Variants in BRINP3 observed in about 807,000 individuals in gnomAD.
The protein encoded by BRINP3 is BMP/retinoic acid inducible neural specific 3.
BRINP3 carries 19 observed loss-of-function variants against 71.0 expected under a neutral mutation model. The ratio of observed to expected loss-of-function variants is 0.27; its 90% confidence interval spans 0.19 to 0.39. The LOEUF is 0.39. Ranked by LOEUF, BRINP3 falls within the 10% of genes least tolerant of loss-of-function variation. The pLI is 1.00. For synonymous variants in BRINP3, 380 were observed against 337.7 expected, an observed-to-expected ratio of 1.13 and a Z score of -1.37; for missense variants, 959 against 940.8, an observed-to-expected ratio of 1.02 and a Z score of -0.25.
intron 2 of BRINP3, among the ~76,000 whole-genome samples, chr1:190,306,574 T>C (rs536801557): frequency 8.5e-5 from 13 of 152,090 alleles, no homozygotes; most frequent in African/African-American, 2.9e-4. Context: ...GGTATAACTT[T>C]AGATAAAATG....
chr1:190,310,404 G>A (rs773814071), intron 2 of BRINP3, among the ~76,000 whole-genome samples: 8 of 151,486 alleles, frequency 5.3e-5, no homozygotes, highest in Non-Finnish European at 1.0e-4. Context: ...ATACAACAAA[G>A]TTAAACTACA....
At chr1:190,213,338 G>A (rs1217217268) in intron 6 of BRINP3, among the ~76,000 whole-genome samples, 1 of 151,996 alleles carries the variant, frequency 6.6e-6, no homozygotes, top group Non-Finnish European at 1.5e-5. Flanking sequence ...CAACAGACAA[G>A]TGATATGAAC....
chr1:190,102,765 C>A (rs951641830), intron 7 of BRINP3, among the ~76,000 whole-genome samples: 13 of 151,868 alleles, frequency 8.6e-5, no homozygotes, highest in African/African-American at 1.7e-4. Flanking sequence ...TGATTTCGAC[C>A]AATTCAAGGA....
intron 7 of BRINP3, among the ~76,000 whole-genome samples, chr1:190,154,745 A>T (rs1656714246): frequency 1.3e-5 from 2 of 152,190 alleles, no homozygotes; most frequent in African/African-American, 4.8e-5. Context: ...CTTATGCTGC[A>T]GATAGCACTA....
chr1:190,296,874 A>T (rs1465179807), intron 2 of BRINP3, among the ~76,000 whole-genome samples: 2 of 152,086 alleles, frequency 1.3e-5, no homozygotes, highest in East Asian at 3.9e-4. Context: ...TACACTGGAA[A>T]TCATAAGGCA....
chr1:190,371,806 GGGCATCT>G (rs1669884852), intron 2 of BRINP3, among the ~76,000 whole-genome samples: 1 of 151,962 alleles, frequency 6.6e-6, no homozygotes, highest in Non-Finnish European at 1.5e-5. Flanking sequence ...TTTAATCCAG[GGGCATCT>G]GGCATAGGGG....
chr1:190,246,854 A>T (rs1044772320), intron 4 of BRINP3, among the ~76,000 whole-genome samples: 2 of 151,970 alleles, frequency 1.3e-5, no homozygotes, highest in Non-Finnish European at 2.9e-5. Context: ...CAAATCTATT[A>T]TCAGTGAAGA....
chr1:190,335,175 C>A (rs1219558916), intron 2 of BRINP3, among the ~76,000 whole-genome samples: 3 of 151,684 alleles, frequency 2.0e-5, no homozygotes, highest in Non-Finnish European at 4.4e-5. Context: ...ATCAATCTTG[C>A]CAAATTATGA....
chr1:190,283,762 A>C (rs1050880280), intron 2 of BRINP3, among the ~76,000 whole-genome samples: 57 of 151,312 alleles, frequency 3.8e-4, no homozygotes, highest in African/African-American at 1.3e-3. Flanking sequence ...AGTAATACAA[A>C]ACTTCTAAGA....
intron 2 of BRINP3, among the ~76,000 whole-genome samples, chr1:190,380,837 A>T (rs1447720675): frequency 6.6e-6 from 1 of 152,150 alleles, no homozygotes; most frequent in East Asian, 1.9e-4. Context: ...GTTCGAGCTT[A>T]CAAAATTAGC....
chr1:190,354,673 C>A (rs183004823), intron 2 of BRINP3, among the ~76,000 whole-genome samples: 2 of 151,744 alleles, frequency 1.3e-5, no homozygotes, highest in Admixed American at 6.6e-5. Flanking sequence ...AGTCGTGATA[C>A]CTCACTAAAT....
intron 2 of BRINP3, among the ~76,000 whole-genome samples, chr1:190,426,894 A>G (rs1273314129): frequency 2.6e-5 from 4 of 151,882 alleles, no homozygotes; most frequent in Non-Finnish European, 5.9e-5. Flanking sequence ...TCCAAATGAT[A>G]GTTATTTCAG....
chr1:190,134,201 G>A (rs763134520), intron 7 of BRINP3, among the ~76,000 whole-genome samples: 9 of 152,128 alleles, frequency 5.9e-5, no homozygotes, highest in African/African-American at 2.2e-4. Flanking sequence ...AAGCCTCTTC[G>A]TGGAGGTGAT....
At chr1:190,242,815 A>G (rs1289755190) in intron 4 of BRINP3, among the ~76,000 whole-genome samples, 1 of 152,134 alleles carries the variant, frequency 6.6e-6, no homozygotes, top group Non-Finnish European at 1.5e-5. Flanking sequence ...AATGTAGAGC[A>G]AAATATATTT....
chr1:190,145,704 T>C (rs544098650), intron 7 of BRINP3, among the ~76,000 whole-genome samples: 16 of 152,280 alleles, frequency 1.1e-4, no homozygotes, highest in Non-Finnish European at 2.2e-4. Flanking sequence ...AGTCATCATA[T>C]GAAAAAGACA....
At chr1:190,166,217 A>G (rs1194123091) in intron 6 of BRINP3, among the ~76,000 whole-genome samples, 1 of 152,314 alleles carries the variant, frequency 6.6e-6, no homozygotes, top group Non-Finnish European at 1.5e-5. Context: ...TGTGAACTGG[A>G]CAATTTTATG....
intron 2 of BRINP3, among the ~76,000 whole-genome samples, chr1:190,309,811 T>C (rs1665389329): frequency 1.3e-5 from 2 of 151,950 alleles, no homozygotes; most frequent in African/African-American, 4.8e-5. Context: ...CTCTAATTTA[T>C]AATTTGCTAA....
At chr1:190,296,292 T>C (rs1403980870) in intron 2 of BRINP3, among the ~76,000 whole-genome samples, 2 of 151,900 alleles carry the variant, frequency 1.3e-5, no homozygotes, top group Non-Finnish European at 2.9e-5. Context: ...ATATGACCCA[T>C]CTCATTAACA....
At chr1:190,417,239 TAAC>T (rs1294867070) in intron 2 of BRINP3, among the ~76,000 whole-genome samples, 1 of 151,576 alleles carries the variant, frequency 6.6e-6, no homozygotes, top group African/African-American at 2.4e-5. Flanking sequence ...ATCTGGCTCT[TAAC>T]AAAAAAAAAA....
Sources: gnomAD v4.1 joint callset for allele counts (sites outside exome capture counted in the v4.1 genomes callset) on GRCh38, gnomAD v4.1.1 for gene constraint, MANE v1.5 for transcripts, NCBI Gene and HGNC (gene_info 2026-07-23, HGNC 2026-07-21) for gene names.